The following PTPRF variants were observed in gnomAD, a reference collection of about 807,000 sequenced individuals.
The protein encoded by PTPRF is receptor-type tyrosine-protein phosphatase F.
Under a neutral mutation model 201.8 loss-of-function variants are expected in PTPRF, and 59 were observed. That is an observed-to-expected ratio of 0.29 (90% CI 0.24 to 0.36). The LOEUF is 0.36. PTPRF is among the 10% of genes least tolerant of loss of function. PTPRF has a pLI of 1.00. For synonymous variants in PTPRF, 1,088 were observed against 1,089.7 expected (o/e 1.00, Z 0.03); for missense variants, 2,132 against 2,690.5 (o/e 0.79, Z 4.59).
At chr1:43,593,323 T>C (rs986462260) in intron 11 of PTPRF, among the ~76,000 whole-genome samples, 2 of 152,196 alleles carry the variant, frequency 1.3e-5, no homozygotes, top group African/African-American at 4.8e-5. Flanking sequence ...TGTGCATCAG[T>C]GGATCTTGGG....
chr1:43,547,801 G>A lies in PTPRF; in HGVS notation c.91+2635G>A, dbSNP rs887250936. ...TCAGTGCCGCACGCGCAGCTCCAGT[G>A]GAGATTTGGGCACACATTGGGGTAG... On this transcript the variant is annotated intron_variant, in intron 3 of 33. Transcript: ENST00000359947. Among the ~76,000 whole-genome samples the A allele has an allele frequency of 3.3e-5, 5 of 152,364 alleles. No individual in the cohort carries two copies. The East Asian group carries it at 9.6e-4, about 29-fold the overall frequency.
At chr1:43,579,523 A>T in intron 7 of PTPRF, 2 of 315,164 alleles carry the variant, frequency 6.3e-6, no homozygotes, top group Non-Finnish European at 1.2e-5. Flanking sequence ...TGTGTTCCAG[A>T]TGTTCTTTGC....
rs1489062858 is a variant in PTPRF at position 43,620,927 on chromosome 1, C to T, written c.5454C>T (p.Phe1818=). The change falls in exon 32 of 34, where the codon TTC becomes TTT. Residue 1818 remains phenylalanine (F), a synonymous_variant. Coordinates refer to ENST00000359947, the MANE Select transcript of PTPRF (RefSeq NM_002840.5). ...VPKTGEGFID[F]IGQVHKTKEQ... Reference sequence around the variant, plus strand: ...AGACAGGCGAGGGATTCATTGACTTCATCGGGCAGGTGCATAAGACCAAGG... The same window carrying T: ...AGACAGGCGAGGGATTCATTGACTTTATCGGGCAGGTGCATAAGACCAAGG... 1.2e-6 allele frequency: 2 copies of T among 1,614,210 alleles called. No homozygotes were observed. The highest frequency in any genetic ancestry group is 2.2e-5 in the East Asian group (1 of 44,886).
intron 3 of PTPRF, among the ~76,000 whole-genome samples, chr1:43,551,310 C>G (rs1645024481): frequency 6.6e-6 from 1 of 151,978 alleles, no homozygotes; most frequent in Non-Finnish European, 1.5e-5. Context: ...GGAGACACCC[C>G]CAGTGGAGCC....
At chr1:43,597,641 TA>T in intron 11 of PTPRF, 106 bp from the exon 12 acceptor site, 1 of 872,364 alleles carries the variant, frequency 1.1e-6, no homozygotes, top group African/African-American at 1.7e-5. Flanking sequence ...TTTCAGCACC[TA>T]AGGGGTAGCC....
intron 6 of PTPRF, among the ~76,000 whole-genome samples, chr1:43,576,643 A>G (rs1187239436): frequency 1.3e-5 from 2 of 152,246 alleles, no homozygotes; most frequent in Non-Finnish European, 2.9e-5. Context: ...TGTGATCTTC[A>G]GAAACTCAGT....
At chr1:43,601,655 G>A (rs1653773952) in intron 13 of PTPRF, among the ~76,000 whole-genome samples, 1 of 152,218 alleles carries the variant, frequency 6.6e-6, no homozygotes, top group Non-Finnish European at 1.5e-5. Flanking sequence ...AGGCAAACCA[G>A]GGCATATGGG....
intron 25 of PTPRF, 43 bp downstream of exon 25, chr1:43,617,954 C>T (rs1240952689): frequency 1.3e-6 from 2 of 1,573,900 alleles, no homozygotes; most frequent in Non-Finnish European, 1.7e-6. Context: ...GGGAAATGCC[C>T]AGCCACAAGG....
upstream of PTPRF, among the ~76,000 whole-genome samples, chr1:43,525,496 A>T (rs866345839): frequency 6.6e-6 from 1 of 152,106 alleles, no homozygotes; most frequent in Admixed American, 6.5e-5. Context: ...GGAGGGGAAG[A>T]GTCATTATAT....
At chr1:43,601,604 T>G (rs1653756643) in intron 13 of PTPRF, among the ~76,000 whole-genome samples, 1 of 152,188 alleles carries the variant, frequency 6.6e-6, no homozygotes, top group Non-Finnish European at 1.5e-5. Flanking sequence ...AGACACTGAA[T>G]AGTCAATTCC....
intron 1 of PTPRF, among the ~76,000 whole-genome samples, chr1:43,531,456 C>T (rs1643497673): frequency 7.1e-6 from 1 of 140,824 alleles, no homozygotes; most frequent in Admixed American, 7.0e-5. Flanking sequence ...CTCATCGGTC[C>T]CGCCTCGTCC....
At chr1:43,592,862 G>A (rs1358221981) in intron 11 of PTPRF, among the ~76,000 whole-genome samples, 2 of 152,010 alleles carry the variant, frequency 1.3e-5, no homozygotes, top group Non-Finnish European at 2.9e-5. Flanking sequence ...CCCACACACT[G>A]CCCAGGTAAG....
chr1:43,595,340 G>A (rs1651986807), intron 11 of PTPRF, among the ~76,000 whole-genome samples: 1 of 152,088 alleles, frequency 6.6e-6, no homozygotes, highest in Admixed American at 6.6e-5. Flanking sequence ...TCAGCCTCCC[G>A]AGTAGCTGGG....
At chr1:43,607,673 G>A (rs918729112) in intron 21 of PTPRF, among the ~76,000 whole-genome samples, 2 of 152,214 alleles carry the variant, frequency 1.3e-5, no homozygotes, top group African/African-American at 4.8e-5. Context: ...CAAACACCTG[G>A]CTAATCTGAC....
intron 13 of PTPRF, 90 bp from the exon 14 acceptor site, chr1:43,601,981 C>T: frequency 1.3e-6 from 2 of 1,489,640 alleles, no homozygotes; most frequent in Non-Finnish European, 1.9e-6. Context: ...CCTCTGTCCT[C>T]CCTGGGCAAG....
chr1:43,577,998 C>G (rs1647043801), intron 6 of PTPRF, among the ~76,000 whole-genome samples: 1 of 152,180 alleles, frequency 6.6e-6, no homozygotes, highest in African/African-American at 2.4e-5. Context: ...CTTGGCCTCC[C>G]CCGCCAGGAC....
Position 43,620,578 on chromosome 1 carries a change from G to A in PTPRF, c.5363G>A (p.Arg1788Gln). The A allele has an allele frequency of 9.3e-6, 15 of 1,613,306 alleles. No homozygotes were observed. Among genetic ancestry groups the A allele is most frequent in the East Asian group, 2.2e-5 (1 of 44,878 alleles). The change falls in exon 31 of 34, where the codon CGG (arginine) becomes CAG (glutamine). Residue 1788 changes from arginine to glutamine, a missense_variant and splice_region_variant. This residue lies in a region of PTPRF where 519 missense variants were observed against 659.5 expected (regional missense o/e 0.79). Coordinates refer to ENST00000359947, the MANE Select transcript of PTPRF (RefSeq NM_002840.5). Reference protein sequence around the residue: ...ILREFKVTDARDGQSRTIRQF... With the variant: ...ILREFKVTDAQDGQSRTIRQF... ...CGTGAGTTCAAGGTCACGGATGCCCGGGTGAGTGAGTGCATTGAGTGTGTC... is the reference window on the plus strand; with the variant it reads ...CGTGAGTTCAAGGTCACGGATGCCCAGGTGAGTGAGTGCATTGAGTGTGTC...
At chr1:43,555,130 G>A (rs1645270334) in intron 5 of PTPRF, among the ~76,000 whole-genome samples, 1 of 152,010 alleles carries the variant, frequency 6.6e-6, no homozygotes, top group African/African-American at 2.4e-5. Context: ...GGGATTACAG[G>A]TGTGAGCCAC....
chr1:43,526,715 G>A (rs531155974), upstream of PTPRF, among the ~76,000 whole-genome samples: 58 of 152,322 alleles, frequency 3.8e-4, no homozygotes, highest in African/African-American at 1.3e-3. Flanking sequence ...CTGCAACTGC[G>A]GGGGCCTGTG....
Sources: allele counts gnomAD v4.1 joint callset (sites outside exome capture counted in the v4.1 genomes callset), GRCh38; gene constraint gnomAD v4.1.1; regional missense constraint gnomAD v4.1.1; transcripts MANE v1.5; gene names NCBI Gene and HGNC (gene_info 2026-07-23, HGNC 2026-07-21).